The following RTN3 variants were observed in gnomAD, a reference collection of about 807,000 sequenced individuals.
The protein encoded by RTN3 is reticulon-3.
RTN3 carries 49 observed loss-of-function variants against 77.8 expected under a neutral mutation model. The observed-to-expected ratio is 0.63, with a 90% CI of 0.50 to 0.80. The LOEUF is 0.80. Ranked by LOEUF, RTN3 falls within the 30% of genes least tolerant of loss-of-function variation. The pLI is 0.00. For missense variants in RTN3, 1,236 were observed against 1,211.9 expected, an observed-to-expected ratio of 1.02 and a Z score of -0.29; for synonymous variants, 464 against 446.9, an observed-to-expected ratio of 1.04 and a Z score of -0.48.
At chr11:63,718,036 T>C (rs1272111640) in intron 2 of RTN3, among the ~76,000 whole-genome samples, 1 of 151,832 alleles carries the variant, frequency 6.6e-6, no homozygotes, top group African/African-American at 2.4e-5. Context: ...AAAAAAGATT[T>C]TGGAGGGGGT....
intron 1 of RTN3, chr11:63,698,646 A>G (rs548787469): frequency 8.6e-4 from 153 of 177,062 alleles, no homozygotes; most frequent in Admixed American, 2.6e-3. Context: ...GAAACTTAAC[A>G]TGATCTAAGA....
rs1555062580 is a variant in RTN3 at position 63,681,782 on chromosome 11, A to T, written c.142+4A>T. On this transcript the variant is annotated splice_donor_region_variant and intron_variant, in intron 1 of 8. Coordinates refer to ENST00000377819, the MANE Select transcript of RTN3 (RefSeq NM_001265589.2). ...AGCTGCAGCTCCTCCTGTGCGGGTA[A>T]GGCGCGCGGGGAGCCCCCGCCCTGG... is the stretch of plus-strand genomic sequence containing the variant. The T allele has an allele frequency of 6.4e-7, 1 of 1,568,572 alleles. No homozygotes were observed. The highest frequency in any genetic ancestry group is 8.6e-7 in the Non-Finnish European group (1 of 1,162,042).
chr11:63,735,690 G>A (rs1015608422), intron 3 of RTN3, among the ~76,000 whole-genome samples: 10 of 150,400 alleles, frequency 6.6e-5, no homozygotes, highest in Non-Finnish European at 1.2e-4. Context: ...CCACCACACC[G>A]AGCTAATTTT....
At chr11:63,694,365 G>A (rs1184822970) in intron 1 of RTN3, among the ~76,000 whole-genome samples, 5 of 152,114 alleles carry the variant, frequency 3.3e-5, no homozygotes, top group Non-Finnish European at 2.9e-5. Context: ...TAGTAGAGAC[G>A]GGGTTTCTCC....
intron 3 of RTN3, among the ~76,000 whole-genome samples, chr11:63,729,326 C>G (rs1009726590): frequency 6.0e-5 from 9 of 149,644 alleles, no homozygotes; most frequent in African/African-American, 2.2e-4. Flanking sequence ...TATAGGATTG[C>G]TTAAAGCAAA....
At chr11:63,696,686 C>T (rs1466822330) in intron 1 of RTN3, among the ~76,000 whole-genome samples, 2 of 149,788 alleles carry the variant, frequency 1.3e-5, no homozygotes, top group East Asian at 4.0e-4. Flanking sequence ...GCTGGGATTA[C>T]AGGTGCCTGC....
intron 3 of RTN3, among the ~76,000 whole-genome samples, chr11:63,738,894 C>A (rs538187533): frequency 1.3e-5 from 2 of 152,258 alleles, no homozygotes; most frequent in South Asian, 4.1e-4. Flanking sequence ...TGGCACAAGA[C>A]TGATTTCCTT....
chr11:63,694,407 C>A (rs1225469642), intron 1 of RTN3, among the ~76,000 whole-genome samples: 1 of 152,064 alleles, frequency 6.6e-6, no homozygotes, highest in African/African-American at 2.4e-5. Context: ...AACTCCTGAC[C>A]TCAGGTGATC....
At chr11:63,739,832 G>T (rs1429851984) in intron 3 of RTN3, among the ~76,000 whole-genome samples, 1 of 152,136 alleles carries the variant, frequency 6.6e-6, no homozygotes, top group East Asian at 1.9e-4. Context: ...CAAAAAGATA[G>T]ACTTTAACCA....
At chr11:63,757,279 G>T (rs986592483) in intron 8 of RTN3, among the ~76,000 whole-genome samples, 6 of 152,014 alleles carry the variant, frequency 3.9e-5, no homozygotes, top group Admixed American at 2.6e-4. Flanking sequence ...TCAAAGAGTT[G>T]TTTTCTTCTT....
At chr11:63,737,644 A>G (rs1030027701) in intron 3 of RTN3, among the ~76,000 whole-genome samples, 37 of 152,316 alleles carry the variant, frequency 2.4e-4, no homozygotes, top group African/African-American at 8.4e-4. Context: ...CTTTTTAGGT[A>G]ACTAAGGTCA....
chr11:63,749,780 C>G (rs2014001489), intron 3 of RTN3, among the ~76,000 whole-genome samples: 1 of 152,122 alleles, frequency 6.6e-6, no homozygotes, highest in Non-Finnish European at 1.5e-5. Context: ...TCTGGCTACT[C>G]AGGAAGTGAA....
rs868670672 is a variant in RTN3, at chr11:63,719,715, T to C, written c.1213T>C (p.Trp405Arg). The change falls in exon 3 of 9, where the codon TGG (tryptophan) becomes CGG (arginine). Residue 405 changes from tryptophan to arginine, a missense_variant. Coordinates refer to ENST00000377819, the MANE Select transcript of RTN3 (RefSeq NM_001265589.2). The part of the protein sequence containing the change: ...STPITKSTGD[W>R]AEASLQQENA... ...TCCCATCACTAAATCAACAGGTGAT[T>C]GGGCAGAAGCATCTCTCCAGCAAGA... 2 of 1,614,162 alleles carry C rather than the reference T, an allele frequency of 1.2e-6. No individual in the cohort carries two copies. The highest frequency in any genetic ancestry group is 1.6e-4 in the Middle Eastern group (1 of 6,062).
chr11:63,706,192 G>C (rs1342744729), intron 2 of RTN3, among the ~76,000 whole-genome samples: 1 of 151,852 alleles, frequency 6.6e-6, no homozygotes, highest in African/African-American at 2.4e-5. Flanking sequence ...TGTTGTTGTT[G>C]TTGTTTTGAG....
chr11:63,720,504 G>T lies in RTN3; in HGVS notation c.2002G>T (p.Asp668Tyr), dbSNP rs774137813. The stretch of plus-strand genomic sequence containing the variant: ...AGAAACCAGAGATAAAGGAATAGTA[G>T]ATAGTGAAAGAAATGCTTTTAAAGC... ...FTETRDKGIV[D>Y]SERNAFKAIS... is the part of the protein sequence containing the mutation. Residue 668 changes from aspartate (D) to tyrosine (Y), a missense_variant, in exon 3 of 9, where the codon GAT becomes TAT. Transcript: ENST00000377819. 1 of 1,613,998 alleles carries T rather than the reference G, an allele frequency of 6.2e-7. No individual in the cohort carries two copies. The highest frequency in any genetic ancestry group is 2.2e-5 in the East Asian group (1 of 44,880).
rs147586725 is a variant in RTN3, at chr11:63,756,907, G to T, written c.3053+737G>T. On this transcript the variant is annotated intron_variant, in intron 8 of 8. Transcript: ENST00000377819. ...CTAAAAATACAAAAATTAGCCAGGT[G>T]TGGTGGCATGCAACTTTAGTCCCAG... 2.4e-3 allele frequency among the ~76,000 whole-genome samples: 365 copies of T among 152,278 alleles called. 4 individuals carry two copies. The highest frequency in any genetic ancestry group is 7.6e-3 in the African/African-American group (315 of 41,558).
chr11:63,756,210 TC>T, intron 8 of RTN3, 40 bp downstream of exon 8: 1 of 1,357,146 alleles, frequency 7.4e-7, no homozygotes, highest in Non-Finnish European at 1.1e-6. Context: ...GAGGTATGCT[TC>T]CTTCCCCCCA....
At chr11:63,701,180 C>T (rs1035933419) in intron 1 of RTN3, among the ~76,000 whole-genome samples, 2 of 151,322 alleles carry the variant, frequency 1.3e-5, no homozygotes, top group Non-Finnish European at 2.9e-5. Flanking sequence ...ACTTTCTAAA[C>T]CCTTGCTGTT....
At chr11:63,733,982 A>T (rs1044785996) in intron 3 of RTN3, among the ~76,000 whole-genome samples, 1 of 152,138 alleles carries the variant, frequency 6.6e-6, no homozygotes, top group African/African-American at 2.4e-5. Context: ...ATTCAGTGAG[A>T]TCCTGTTTCT....
Sources: gnomAD v4.1 joint callset for allele counts (sites outside exome capture counted in the v4.1 genomes callset) on GRCh38, gnomAD v4.1.1 for gene constraint, MANE v1.5 for transcripts, NCBI Gene and HGNC (gene_info 2026-07-23, HGNC 2026-07-21) for gene names.